The following DOCK4 variants were observed in gnomAD, a reference collection of about 807,000 sequenced individuals.
DOCK4 encodes the protein dedicator of cytokinesis protein 4.
A neutral mutation model predicts 268.1 loss-of-function variants in DOCK4; 97 were observed. That is an observed-to-expected ratio of 0.36 (90% CI 0.31 to 0.43). The LOEUF is 0.43. DOCK4 is among the 20% of genes least tolerant of loss of function. The pLI is 1.00. For missense variants in DOCK4, 2,145 were observed against 2,455.7 expected, an observed-to-expected ratio of 0.87 and a Z score of 2.67; for synonymous variants, 954 against 887.2, an observed-to-expected ratio of 1.08 and a Z score of -1.34.
chr7:111,791,100 A>ATATATATATATAT (rs67130458), intron 30 of DOCK4, among the ~76,000 whole-genome samples: 12 of 124,194 alleles, frequency 9.7e-5, no homozygotes, highest in African/African-American at 3.0e-4. Flanking sequence ...ATATATATAT[A>ATATATATATATAT]AAATAAATCA....
chr7:111,741,904 A>T, intron 45 of DOCK4, 109 bp downstream of exon 45: 2 of 1,405,794 alleles, frequency 1.4e-6, no homozygotes, highest in South Asian at 3.0e-5. Flanking sequence ...AAAACAGTGC[A>T]GTTTGGTAGA....
chr7:112,183,448 T>G (rs1179199319), intron 1 of DOCK4, among the ~76,000 whole-genome samples: 1 of 152,236 alleles, frequency 6.6e-6, no homozygotes, highest in Non-Finnish European at 1.5e-5. Context: ...CTGAAAACTA[T>G]GTGACCTTGG....
At chr7:111,767,005 T>A in intron 38 of DOCK4, 27 bp downstream of exon 38, 1 of 1,578,340 alleles carries the variant, frequency 6.3e-7, no homozygotes, top group South Asian at 1.1e-5. Flanking sequence ...GGCTATGGCC[T>A]GATCAGGATG....
intron 4 of DOCK4, among the ~76,000 whole-genome samples, chr7:111,996,375 G>A (rs1042988539): frequency 4.6e-5 from 7 of 152,140 alleles, no homozygotes; most frequent in South Asian, 2.1e-4. Context: ...ATAGTCTGTC[G>A]TAAGTAGTTA....
chr7:111,931,662 T>C (rs923298539), intron 12 of DOCK4, among the ~76,000 whole-genome samples: 3 of 152,296 alleles, frequency 2.0e-5, no homozygotes, highest in East Asian at 1.9e-4. Flanking sequence ...AATAATCCAA[T>C]TGTGTTATTC....
chr7:111,911,183 A>C (rs1792068691), intron 13 of DOCK4, among the ~76,000 whole-genome samples: 1 of 152,148 alleles, frequency 6.6e-6, no homozygotes, highest in South Asian at 2.1e-4. Context: ...TCTGAAGGAC[A>C]CATCTAGACA....
chr7:111,808,548 A>G (rs575432757), intron 30 of DOCK4: 2 of 317,456 alleles, frequency 6.3e-6, no homozygotes, highest in South Asian at 1.3e-4. Flanking sequence ...CGCTGGAAAT[A>G]TGTGTAATGT....
intron 1 of DOCK4, among the ~76,000 whole-genome samples, chr7:112,204,840 T>C (rs912828690): frequency 4.6e-5 from 7 of 151,618 alleles, no homozygotes; most frequent in Non-Finnish European, 8.8e-5. Context: ...TAAGCAGATA[T>C]CTACACATCA....
intron 7 of DOCK4, among the ~76,000 whole-genome samples, chr7:111,977,981 C>T (rs1472006022): frequency 6.6e-6 from 1 of 152,144 alleles, no homozygotes; most frequent in African/African-American, 2.4e-5. Context: ...TGTGAGTTCC[C>T]ACAGGTTGAG....
At chr7:111,859,313 G>A (rs1028839263) in intron 23 of DOCK4, among the ~76,000 whole-genome samples, 1 of 152,134 alleles carries the variant, frequency 6.6e-6, no homozygotes, top group African/African-American at 2.4e-5. Flanking sequence ...CTAAGTTTGC[G>A]ATTACTGTCA....
intron 23 of DOCK4, among the ~76,000 whole-genome samples, chr7:111,853,983 G>T (rs1317993388): frequency 6.6e-6 from 1 of 151,768 alleles, no homozygotes; most frequent in African/African-American, 2.4e-5. Context: ...GCCCAGGCTG[G>T]AGTGCAGTGG....
rs773827905 is a variant in DOCK4, at chr7:111,933,119, CATATATAT to C, written c.1066+2413_1066+2420del. Among the ~76,000 whole-genome samples the C allele has an allele frequency of 3.3e-3, 357 of 106,696 alleles. 12 individuals are homozygous for C. Among genetic ancestry groups the C allele is most frequent in the African/African-American group, 0.012 (330 of 26,958 alleles). The allele number at this position is 106,696 out of a possible 152,430, so 70.0% of individuals were successfully genotyped here. ...ATACACATATATATACGTATATACA[CATATATAT>C]ACGTATATACACATATATATACGTA... On this transcript the variant is annotated intron_variant, in intron 12 of 52. Transcript: ENST00000428084.
intron 9 of DOCK4, 37 bp from the exon 10 acceptor site, chr7:111,944,908 T>C: frequency 1.3e-6 from 2 of 1,589,248 alleles, no homozygotes; most frequent in East Asian, 2.2e-5. Context: ...TTGGAAGACA[T>C]GAGCGGCACT....
chr7:111,804,595 ATATTTATTTT>A (rs1800533952), intron 30 of DOCK4, among the ~76,000 whole-genome samples: 1 of 151,842 alleles, frequency 6.6e-6, no homozygotes, highest in Non-Finnish European at 1.5e-5. Context: ...ACATTTATTT[ATATTTATTTT>A]TATTTTTTTT....
At chr7:112,073,086 G>C (rs1807750408) in intron 1 of DOCK4, among the ~76,000 whole-genome samples, 1 of 152,042 alleles carries the variant, frequency 6.6e-6, no homozygotes, top group South Asian at 2.1e-4. Flanking sequence ...TAGGTCGTCT[G>C]CTTGGCCCTC....
At chr7:112,159,070 T>A (rs1253523105) in intron 1 of DOCK4, among the ~76,000 whole-genome samples, 2 of 152,214 alleles carry the variant, frequency 1.3e-5, no homozygotes, top group Non-Finnish European at 2.9e-5. Context: ...CAATTTATAC[T>A]TGTGAATGTA....
At chr7:111,784,839 C>T (rs1358877101) in intron 32 of DOCK4, among the ~76,000 whole-genome samples, 1 of 152,194 alleles carries the variant, frequency 6.6e-6, no homozygotes, top group Non-Finnish European at 1.5e-5. Context: ...TTCCCTACCC[C>T]TTGAAATTTA....
intron 10 of DOCK4, among the ~76,000 whole-genome samples, chr7:111,942,765 C>A (rs1043067081): frequency 6.6e-6 from 1 of 152,202 alleles, no homozygotes; most frequent in Non-Finnish European, 1.5e-5. Context: ...TTAGCTTAGA[C>A]TGTGCGTCCA....
intron 37 of DOCK4, 49 bp downstream of exon 37, chr7:111,769,480 T>C (rs753997461): frequency 6.2e-7 from 1 of 1,606,446 alleles, no homozygotes; most frequent in Non-Finnish European, 8.5e-7. Flanking sequence ...GAAAGGGACA[T>C]CAACACCATC....
Sources: gnomAD v4.1 joint callset for allele counts (sites outside exome capture counted in the v4.1 genomes callset) on GRCh38, gnomAD v4.1.1 for gene constraint, MANE v1.5 for transcripts, NCBI Gene and HGNC (gene_info 2026-07-23, HGNC 2026-07-21) for gene names.